EIF4G3: variants seen among roughly 807,000 people sequenced by gnomAD.
EIF4G3 encodes eukaryotic translation initiation factor 4 gamma 3.
In EIF4G3, 34 loss-of-function variants were observed where a neutral mutation model predicts 186.4. The ratio of observed to expected loss-of-function variants is 0.18; its 90% confidence interval spans 0.14 to 0.24. The LOEUF is 0.24. EIF4G3 is among the 10% of genes least tolerant of loss of function. The pLI, the probability that EIF4G3 is intolerant of heterozygous loss-of-function variation, is 1.00. For missense variants in EIF4G3, 1,536 were observed against 1,948.5 expected, an observed-to-expected ratio of 0.79 and a Z score of 3.99; for synonymous variants, 673 against 679.5, an observed-to-expected ratio of 0.99 and a Z score of 0.15.
At chr1:21,136,825 C>T (rs2097254497) in intron 2 of EIF4G3, among the ~76,000 whole-genome samples, 1 of 152,168 alleles carries the variant, frequency 6.6e-6, no homozygotes, top group Admixed American at 6.5e-5. Flanking sequence ...TATTACAGAA[C>T]TGCACTGTTC....
At position 20,865,245 on chromosome 1, in the gene EIF4G3, T is replaced by G; in HGVS notation, c.2640A>C (p.Ala880=). ...RCLVTLKVPM[A]DKPGNTVNFR... is the part of the protein sequence containing the mutation. ...AATTCACTGTGTTACCAGGCTTGTCTGCCATGGGTACTTTCAGCTACATCC... is the reference window on the plus strand; with the variant it reads ...AATTCACTGTGTTACCAGGCTTGTCGGCCATGGGTACTTTCAGCTACATCC... The change falls in exon 21 of 37, where the codon GCA becomes GCC. Residue 880 remains alanine (A), a synonymous_variant. Transcript: ENST00000602326. The G allele has an allele frequency of 6.2e-7, 1 of 1,614,044 alleles. No individual in the cohort carries two copies. Among genetic ancestry groups the G allele is most frequent in the Non-Finnish European group, 8.5e-7 (1 of 1,179,970 alleles).
chr1:20,920,757 A>G (rs1456702823), intron 14 of EIF4G3, among the ~76,000 whole-genome samples: 2 of 151,574 alleles, frequency 1.3e-5, no homozygotes, highest in Non-Finnish European at 2.9e-5. Flanking sequence ...TTTTTTCCCC[A>G]TTAACCTCAG....
Position 20,810,612 on chromosome 1 carries a change from T to C in EIF4G3, c.4744+126A>G, listed in dbSNP as rs1175279534. ...CAAATTCAAATTTATTAAAGTTAGT[T>C]ATATGAGTTTGTGTTATTAGTGATT... On this transcript the variant is annotated intron_variant, in intron 36 of 36. Coordinates refer to ENST00000602326, the MANE Select transcript of EIF4G3 (RefSeq NM_001391906.1). This position sits in a 1 kb window ranked among gnomAD's most constrained non-coding sequence, Gnocchi z 4.1. The C allele has an allele frequency of 8.8e-7, 1 of 1,141,010 alleles. No homozygotes were observed. The highest frequency in any genetic ancestry group is 1.3e-6 in the Non-Finnish European group (1 of 799,086). The allele number at this position is 1,141,010 out of a possible 1,614,324, so 70.7% of individuals were successfully genotyped here.
At chr1:21,145,334 CAAAA>C (rs56373332) in intron 2 of EIF4G3, among the ~76,000 whole-genome samples, 8 of 151,150 alleles carry the variant, frequency 5.3e-5, no homozygotes, top group Non-Finnish European at 1.0e-4. Flanking sequence ...AACAAACAAA[CAAAA>C]AAAACCCTAG....
At chr1:20,870,834 T>C (rs1325247654) in intron 20 of EIF4G3, among the ~76,000 whole-genome samples, 3 of 152,184 alleles carry the variant, frequency 2.0e-5, no homozygotes, top group Non-Finnish European at 4.4e-5. Flanking sequence ...TCATTTCCAG[T>C]TGAACTAGCA....
intron 2 of EIF4G3, among the ~76,000 whole-genome samples, chr1:21,174,239 C>CT (rs1491260142): frequency 6.6e-6 from 1 of 152,152 alleles, no homozygotes; most frequent in East Asian, 1.9e-4. Context: ...TTAACAAGTG[C>CT]TTTTTATTCA....
chr1:21,055,844 G>C (rs1467739043), intron 3 of EIF4G3, among the ~76,000 whole-genome samples: 4 of 151,916 alleles, frequency 2.6e-5, no homozygotes, highest in African/African-American at 9.7e-5. Context: ...GAATAATAAA[G>C]GAAAAATACA....
intron 7 of EIF4G3, among the ~76,000 whole-genome samples, chr1:20,995,062 C>T (rs532201126): frequency 2.0e-5 from 3 of 152,272 alleles, no homozygotes; most frequent in Non-Finnish European, 4.4e-5. Flanking sequence ...GGGCTGAAAT[C>T]AACCTTTTCT....
intron 9 of EIF4G3, 72 bp downstream of exon 9, chr1:20,980,976 G>C (rs1275789695): frequency 3.2e-6 from 4 of 1,255,800 alleles, no homozygotes; most frequent in Non-Finnish European, 4.3e-6. Context: ...CATCCACCCA[G>C]CTCCCTCTGA....
chr1:20,923,341 G>A (rs1224327675), intron 14 of EIF4G3, among the ~76,000 whole-genome samples: 3 of 152,140 alleles, frequency 2.0e-5, no homozygotes, highest in African/African-American at 7.2e-5. Context: ...TGAGAACAAA[G>A]ATGACTCCAA....
At chr1:20,857,161 T>TAAAAAAA (rs1333104417) in intron 25 of EIF4G3, among the ~76,000 whole-genome samples, 1 of 2,016 alleles carries the variant, frequency 5.0e-4, no homozygotes, top group African/African-American at 7.5e-4. Flanking sequence ...AGACTCCATC[T>TAAAAAAA]CAAAAAAAAA....
At chr1:20,847,651 C>A (rs1382255774) in intron 29 of EIF4G3, among the ~76,000 whole-genome samples, 1 of 152,182 alleles carries the variant, frequency 6.6e-6, no homozygotes, top group East Asian at 1.9e-4. Flanking sequence ...TACTTCCATG[C>A]AAGAAAAAGG....
chr1:21,094,639 GA>G (rs1277523651), intron 2 of EIF4G3, among the ~76,000 whole-genome samples: 7 of 126,112 alleles, frequency 5.6e-5, no homozygotes, highest in African/African-American at 2.0e-4. Flanking sequence ...GGGGAGGGGG[GA>G]GGGACAGCAT....
At chr1:21,000,218 A>G (rs574704074) in intron 6 of EIF4G3, among the ~76,000 whole-genome samples, 3 of 152,264 alleles carry the variant, frequency 2.0e-5, no homozygotes, top group African/African-American at 7.2e-5. Context: ...TTATTTTTAA[A>G]AAAGATTTTC....
At chr1:21,102,402 C>T (rs2096544519) in intron 2 of EIF4G3, among the ~76,000 whole-genome samples, 1 of 152,178 alleles carries the variant, frequency 6.6e-6, no homozygotes, top group South Asian at 2.1e-4. Flanking sequence ...ACCAGACTGC[C>T]AACTTCAAAT....
At position 21,081,636 on chromosome 1, in the gene EIF4G3, A is replaced by ATT. The variant is rs566655576; in HGVS notation, c.-196+7500_-196+7501dup. 1.4e-3 allele frequency among the ~76,000 whole-genome samples: 170 copies of ATT among 122,752 alleles called. 1 individual carries two copies. Among genetic ancestry groups the ATT allele is most frequent in the South Asian group, 2.9e-3 (11 of 3,750 alleles). The allele number at this position is 122,752 out of a possible 152,430, so 80.5% of individuals were successfully genotyped here. A position where few individuals can be genotyped will look rare whatever the true frequency, so the allele number is the denominator to read the frequency against. On this transcript the variant is annotated intron_variant, in intron 3 of 36. Coordinates refer to ENST00000602326, the MANE Select transcript of EIF4G3 (RefSeq NM_001391906.1). ...GAACACATTCCAGAAGATGAGTCCAATTTTTTTTTTTTTTTTTTTTTTTTG... is the reference window on the plus strand; with the variant it reads ...GAACACATTCCAGAAGATGAGTCCAATTTTTTTTTTTTTTTTTTTTTTTTTTG...
intron 4 of EIF4G3, among the ~76,000 whole-genome samples, chr1:21,023,249 T>TC (rs1203366448): frequency 1.3e-4 from 3 of 22,308 alleles, no homozygotes; most frequent in African/African-American, 2.0e-4. Flanking sequence ...CCCCTCCCCC[T>TC]CCCCCCCTCC....
chr1:20,966,709 A>G (rs1328816438), intron 12 of EIF4G3, among the ~76,000 whole-genome samples: 3 of 152,000 alleles, frequency 2.0e-5, no homozygotes, highest in African/African-American at 7.2e-5. Flanking sequence ...TCTGACCTCA[A>G]GTGATCTGCC....
intron 30 of EIF4G3, among the ~76,000 whole-genome samples, chr1:20,839,103 G>A (rs952149333): frequency 2.6e-5 from 4 of 152,004 alleles, no homozygotes; most frequent in African/African-American, 7.2e-5. Context: ...CTTGGTCTCC[G>A]GGTAGCTGGG....
Sources: gnomAD v4.1 joint callset for allele counts (sites outside exome capture counted in the v4.1 genomes callset) on GRCh38, gnomAD v4.1.1 for gene constraint, Gnocchi (gnomAD v3.1) non-coding constraint, MANE v1.5 for transcripts, NCBI Gene and HGNC (gene_info 2026-07-23, HGNC 2026-07-21) for gene names.